The following KAZN variants were observed in gnomAD, a reference collection of about 807,000 sequenced individuals.
KAZN encodes the protein kazrin.
Under a neutral mutation model 87.4 loss-of-function variants are expected in KAZN, and 40 were observed. The ratio of observed to expected loss-of-function variants is 0.46; its 90% confidence interval spans 0.36 to 0.60. The LOEUF (loss-of-function observed/expected upper bound fraction) is 0.60. Among genes scored for constraint, KAZN ranks in the 20% least tolerant of loss-of-function variants. The probability of loss-of-function intolerance (pLI) is 0.00; values close to 1 mark genes in which losing one functional copy is unlikely to be tolerated. For synonymous variants in KAZN, 466 were observed against 458.3 expected (o/e 1.02, Z -0.22); for missense variants, 898 against 1,073.9 (o/e 0.84, Z 2.29).
intron 2 of KAZN, among the ~76,000 whole-genome samples, chr1:14,569,834 C>T (rs1354601225): frequency 6.6e-6 from 1 of 150,558 alleles, no homozygotes; most frequent in Non-Finnish European, 1.5e-5. Flanking sequence ...GATGCCCCAC[C>T]AGGCGTGGTG....
At position 14,897,438 on chromosome 1, in the gene KAZN, G is replaced by A. The variant is rs528412535; in HGVS notation, c.227-63246G>A. On this transcript the variant is annotated intron_variant, in intron 1 of 14. Transcript: ENST00000376030. ...TTGTTCCCAGAACCCCTTTACTCTT[G>A]TAAAAATTAGAGAGGACCCCAATAA... 5.9e-5 allele frequency among the ~76,000 whole-genome samples: 9 copies of A among 152,116 alleles called. No individual in the cohort carries two copies. In the East Asian group the frequency reaches 1.4e-3, roughly 23 times the overall value.
At chr1:14,585,272 G>A (rs979846544) in intron 2 of KAZN, among the ~76,000 whole-genome samples, 1 of 152,184 alleles carries the variant, frequency 6.6e-6, no homozygotes, top group African/African-American at 2.4e-5. Context: ...GCACCCTTGA[G>A]GGACGGTGCT....
chr1:14,896,797 A>G (rs1655327662), intron 1 of KAZN, among the ~76,000 whole-genome samples: 1 of 152,176 alleles, frequency 6.6e-6, no homozygotes, highest in Non-Finnish European at 1.5e-5. Flanking sequence ...TAGAGAGGGA[A>G]GAGCAAGAAT....
chr1:14,599,000 GA>G lies in KAZN; in HGVS notation c.4del (p.Met2TrpfsTer22). The G allele has an allele frequency of 6.4e-7, 1 of 1,570,990 alleles. No individual in the cohort carries two copies. Among genetic ancestry groups the G allele is most frequent in the Middle Eastern group, 1.7e-4 (1 of 5,954 alleles). MMEDNKQLALRI... is the reference protein window; with the variant it reads MXEDNKQLALRI... ...GCCCCCAGGCCAAAATCCTGAGCAT[GA>G]TGGAAGACAATAAGCAGCTCGCGCT... is the stretch of plus-strand genomic sequence containing the variant. On this transcript the variant is annotated frameshift_variant, in exon 1 of 15. Transcript: ENST00000376030. LOFTEE classifies it high-confidence loss of function. The surrounding 1 kb of genome is among the most constrained non-coding windows in gnomAD (Gnocchi z 4.2).
At chr1:14,068,765 C>T (rs1007982782) in intron 1 of KAZN, among the ~76,000 whole-genome samples, 7 of 151,828 alleles carry the variant, frequency 4.6e-5, no homozygotes, top group African/African-American at 1.7e-4. Flanking sequence ...TTGTGTCTGA[C>T]CAGAAATCAG....
intron 1 of KAZN, among the ~76,000 whole-genome samples, chr1:14,904,825 G>A (rs1196498022): frequency 1.3e-5 from 2 of 152,076 alleles, no homozygotes; most frequent in African/African-American, 2.4e-5. Flanking sequence ...GCAGTGGTGC[G>A]ATCTCCACTC....
intron 2 of KAZN, among the ~76,000 whole-genome samples, chr1:14,576,791 A>G (rs1254521104): frequency 6.6e-6 from 1 of 150,380 alleles, no homozygotes; most frequent in African/African-American, 2.4e-5. Flanking sequence ...CTGGTACGTT[A>G]CCAAAAAAAA....
chr1:14,619,311 C>T (rs1305175050), intron 1 of KAZN, among the ~76,000 whole-genome samples: 2 of 151,952 alleles, frequency 1.3e-5, no homozygotes, highest in Non-Finnish European at 2.9e-5. Flanking sequence ...AATCCTCCCA[C>T]CTCAGCCTCC....
At chr1:13,947,788 T>C (rs1311426055) in intron 1 of KAZN, among the ~76,000 whole-genome samples, 1 of 152,166 alleles carries the variant, frequency 6.6e-6, no homozygotes, top group African/African-American at 2.4e-5. Context: ...CTTCACGTGA[T>C]CTTCCGTCTG....
chr1:13,985,654 C>T (rs1213882328), intron 1 of KAZN, among the ~76,000 whole-genome samples: 1 of 151,964 alleles, frequency 6.6e-6, no homozygotes, highest in Non-Finnish European at 1.5e-5. Context: ...AAAAAAAACC[C>T]TGTACCTGTT....
chr1:14,576,440 A>AATGGATGGATGGATGGATATATTAATGG (rs1557811122), intron 2 of KAZN, among the ~76,000 whole-genome samples: 1 of 150,554 alleles, frequency 6.6e-6, no homozygotes, highest in Non-Finnish European at 1.5e-5. Context: ...TGAATGGAAC[A>AATGGATGGATGGATGGATATATTAATGG]ATGGATGGAT....
intron 1 of KAZN, among the ~76,000 whole-genome samples, chr1:14,050,844 C>A (rs1255315162): frequency 6.6e-6 from 1 of 152,196 alleles, no homozygotes; most frequent in Non-Finnish European, 1.5e-5. Flanking sequence ...AGGCCCACTG[C>A]CGCATCCTCA....
At chr1:14,448,337 T>A (rs1437833750) in intron 2 of KAZN, among the ~76,000 whole-genome samples, 1 of 152,130 alleles carries the variant, frequency 6.6e-6, no homozygotes, top group Admixed American at 6.5e-5. Context: ...AGCTATAGAA[T>A]GAGAAAGTGG....
Position 14,135,200 on chromosome 1 carries a change from G to A in KAZN, c.92-45235G>A, listed in dbSNP as rs538576200. Reference sequence around the variant, plus strand: ...GCAGCAGCCAGGCCTGCTCATCTCTGCTTCCTTCACAGCACCCTGTGAGGA... The same window carrying A: ...GCAGCAGCCAGGCCTGCTCATCTCTACTTCCTTCACAGCACCCTGTGAGGA... On this transcript the variant is annotated intron_variant, in intron 1 of 16. Coordinates refer to the KAZN transcript ENST00000636203. Among the ~76,000 whole-genome samples, 7 of 152,276 alleles carry A rather than the reference G, an allele frequency of 4.6e-5. No homozygotes were observed. The South Asian group carries it at 1.0e-3, about 23-fold the overall frequency.
chr1:14,277,233 T>G (rs1308099757), intron 2 of KAZN, among the ~76,000 whole-genome samples: 1 of 152,196 alleles, frequency 6.6e-6, no homozygotes, highest in African/African-American at 2.4e-5. Flanking sequence ...CTGAATTATT[T>G]TAAAGCAACC....
chr1:14,660,023 A>G (rs1453266384), intron 1 of KAZN, among the ~76,000 whole-genome samples: 1 of 152,168 alleles, frequency 6.6e-6, no homozygotes, highest in African/African-American at 2.4e-5. Context: ...GTGTTTAAGA[A>G]CCTGTTATTA....
intron 2 of KAZN, among the ~76,000 whole-genome samples, chr1:14,581,709 C>T (rs1675560335): frequency 6.6e-6 from 1 of 152,180 alleles, no homozygotes; most frequent in African/African-American, 2.4e-5. Context: ...CATTCCACTC[C>T]ATGCCTGCCC....
intron 1 of KAZN, among the ~76,000 whole-genome samples, chr1:14,843,339 TGAGGAGGTA>T: frequency 6.6e-6 from 1 of 152,244 alleles, no homozygotes; most frequent in African/African-American, 2.4e-5. Flanking sequence ...AAGACCTCTC[TGAGGAGGTA>T]GAGGAGGTAA....
At chr1:14,691,046 C>T (rs1641260019) in intron 1 of KAZN, among the ~76,000 whole-genome samples, 1 of 152,172 alleles carries the variant, frequency 6.6e-6, no homozygotes, top group South Asian at 2.1e-4. Flanking sequence ...CAATTAAAGG[C>T]AAATGTATAC....
Sources: gnomAD v4.1 joint callset for allele counts (sites outside exome capture counted in the v4.1 genomes callset) on GRCh38, gnomAD v4.1.1 for gene constraint, Gnocchi (gnomAD v3.1) non-coding constraint, MANE v1.5 for transcripts, NCBI Gene and HGNC (gene_info 2026-07-23, HGNC 2026-07-21) for gene names.